Variants in DDX11 observed in about 807,000 individuals in gnomAD.
DDX11 encodes the protein ATP-dependent DNA helicase DDX11.
Under a neutral mutation model 125.2 loss-of-function variants are expected in DDX11, and 72 were observed. The observed-to-expected ratio is 0.58, with a 90% CI of 0.48 to 0.70. The LOEUF (loss-of-function observed/expected upper bound fraction) is 0.70, where lower values mean the gene tolerates loss of function less well. DDX11 is among the 30% of genes least tolerant of loss of function. The pLI is 0.00. For synonymous variants in DDX11, 347 were observed against 452.6 expected, an observed-to-expected ratio of 0.77 and a Z score of 2.96; for missense variants, 883 against 1,165.0, an observed-to-expected ratio of 0.76 and a Z score of 3.52.
chr12:31,100,162 A>G (rs1195671906), intron 18 of DDX11, among the ~76,000 whole-genome samples: 1 of 152,166 alleles, frequency 6.6e-6, no homozygotes, highest in Non-Finnish European at 1.5e-5. Context: ...TGGGTTAAAA[A>G]GTATAAATAT....
intron 12 of DDX11, 91 bp from the exon 13 acceptor site, chr12:31,094,495 TCTTA>T (rs1290767659): frequency 2.0e-6 from 3 of 1,525,216 alleles, no homozygotes; most frequent in African/African-American, 1.4e-5. Flanking sequence ...CAGATGCTCT[TCTTA>T]CTTGATGTGC....
At position 31,091,637 on chromosome 12, in the gene DDX11, A is replaced by G. The variant is rs1288631614; in HGVS notation, c.1090-82A>G. 7.6e-6 allele frequency: 11 copies of G among 1,454,886 alleles called. No individual in the cohort carries two copies. In the Admixed American group the frequency reaches 2.0e-4, roughly 26 times the overall value. 90.1% of individuals were successfully genotyped at this position (1,454,886 alleles called of 1,614,324 possible). A position where few individuals can be genotyped will look rare whatever the true frequency, so the allele number is the denominator to read the frequency against. On this transcript the variant is annotated intron_variant, in intron 9 of 26. Transcript: ENST00000542838. Reference sequence around the variant, plus strand: ...GTCCAGGCAGGAAATAGAAGCACTCACATCAGGAGCTCAGTGTCAGGCAGG... The same window carrying G: ...GTCCAGGCAGGAAATAGAAGCACTCGCATCAGGAGCTCAGTGTCAGGCAGG...
At position 31,104,345 on chromosome 12, in the gene DDX11, C is replaced by G. The variant is rs1208027612; in HGVS notation, c.*509C>G. On this transcript the variant is annotated 3_prime_UTR_variant, in exon 27 of 27. Coordinates refer to ENST00000542838, the MANE Select transcript of DDX11 (RefSeq NM_030653.4). ...CCCAGGGGCTTGTCACCTTCCCCTC[C>G]TCCTTCCTGAGTCACTCCTTCAGTA... 6 of 357,910 alleles carry G rather than the reference C, an allele frequency of 1.7e-5. No homozygotes were observed. The Admixed American group carries it at 2.1e-4, about 13-fold the overall frequency. The allele number at this position is 357,910 out of a possible 1,614,324, so 22.2% of individuals were successfully genotyped here. A position where few individuals can be genotyped will look rare whatever the true frequency, so the allele number is the denominator to read the frequency against.
chr12:31,101,937 C>G lies in DDX11; in HGVS notation c.2157C>G (p.His719Gln), dbSNP rs755660571. 3 of 1,613,692 alleles carry G rather than the reference C, an allele frequency of 1.9e-6. No individual in the cohort carries two copies. The highest frequency in any genetic ancestry group is 2.5e-6 in the Non-Finnish European group (3 of 1,179,816). The change falls in exon 21 of 27, where the codon CAC becomes CAG. Residue 719 changes from histidine (H) to glutamine (Q), a missense_variant. Physicochemically the swap from His to Gln is conservative, Grantham distance 24. Coordinates refer to ENST00000542838, the MANE Select transcript of DDX11 (RefSeq NM_030653.4). ...AGTACCTGCGCCAGGTCCATGCCCA[C>G]TGGGAGAAGGGTGGCCTGCTGGGCC... ...SYEYLRQVHAHWEKGGLLGRL... is the reference protein window; with the variant it reads ...SYEYLRQVHAQWEKGGLLGRL...
chr12:31,090,779 T>G (rs1222859016), intron 9 of DDX11, among the ~76,000 whole-genome samples: 1 of 152,214 alleles, frequency 6.6e-6, no homozygotes, highest in Non-Finnish European at 1.5e-5. Flanking sequence ...TTTTAAAAGA[T>G]TCAGGGAACT....
Position 31,103,575 on chromosome 12 carries a change from A to G in DDX11, c.2537-2A>G. The G allele has an allele frequency of 6.2e-7, 1 of 1,613,842 alleles. No individual in the cohort carries two copies. Among genetic ancestry groups the G allele is most frequent in the Non-Finnish European group, 8.5e-7 (1 of 1,179,910 alleles). On this transcript the variant is annotated splice_acceptor_variant, in intron 25 of 26. Coordinates refer to ENST00000542838, the MANE Select transcript of DDX11 (RefSeq NM_030653.4). LOFTEE classifies it high-confidence loss of function. ...GGAGCCCCAGCCTCTGTTCCTATGC[A>G]GGCAGGGCCATCAGGCACCAGAAGG... is the stretch of plus-strand genomic sequence containing the variant.
At chr12:31,099,502 A>G (rs1420328263) in intron 18 of DDX11, among the ~76,000 whole-genome samples, 1 of 151,238 alleles carries the variant, frequency 6.6e-6, no homozygotes, top group Non-Finnish European at 1.5e-5. Flanking sequence ...ATCCTATAAT[A>G]TACTTAAAAG....
rs546589645 is a variant in DDX11 at position 31,084,216 on chromosome 12, G to A, written c.393+155G>A. ...AGCTCCTTGGGTCTATGGTGCTGCC[G>A]CTGTGCTGTCTTTTTTGAGCTGGAG... is the stretch of plus-strand genomic sequence containing the variant. On this transcript the variant is annotated intron_variant, in intron 3 of 26. Transcript: ENST00000542838. Among the ~76,000 whole-genome samples, 13 of 152,270 alleles carry A rather than the reference G, an allele frequency of 8.5e-5. No homozygotes were observed. In the East Asian group the frequency reaches 1.5e-3, roughly 18 times the overall value.
intron 2 of DDX11, among the ~76,000 whole-genome samples, chr12:31,078,904 A>G (rs926144857): frequency 4.6e-5 from 7 of 152,096 alleles, no homozygotes; most frequent in South Asian, 4.2e-4. Context: ...AGCCAGGATG[A>G]TCTCAGTCTT....
intron 8 of DDX11, 157 bp from the exon 9 acceptor site, chr12:31,089,729 T>C: frequency 1.4e-6 from 2 of 1,403,628 alleles, no homozygotes; most frequent in Non-Finnish European, 2.0e-6. Flanking sequence ...AGTAAAACCT[T>C]ACAGTGTTCC....
chr12:31,101,801 G>C lies in DDX11; in HGVS notation c.2053-32G>C, dbSNP rs376056098. The C allele has an allele frequency of 5.1e-4, 829 of 1,613,846 alleles. 1 individual carries two copies. The highest frequency in any genetic ancestry group is 5.4e-4 in the Non-Finnish European group (637 of 1,179,786). On this transcript the variant is annotated intron_variant, in intron 20 of 26. Coordinates refer to ENST00000542838, the MANE Select transcript of DDX11 (RefSeq NM_030653.4). ...GGGTGGCTGAGGGGTTGCTCCATGG[G>C]GGCTCCCTCCCTCCCTCCTTTCCTT... is the stretch of plus-strand genomic sequence containing the variant.
At chr12:31,103,522 T>C in intron 25 of DDX11, 55 bp from the exon 26 acceptor site, 1 of 1,613,370 alleles carries the variant, frequency 6.2e-7, no homozygotes, top group South Asian at 1.1e-5. Flanking sequence ...CGTGGGAATG[T>C]GCTGTAGGGG....
rs572956321 is a variant in DDX11, at chr12:31,087,484, G to C, written c.639-454G>C. 151 of 319,504 alleles carry C rather than the reference G, an allele frequency of 4.7e-4. 1 individual carries two copies. Among genetic ancestry groups the C allele is most frequent in the African/African-American group, 3.1e-3 (144 of 46,510 alleles). 19.8% of individuals were successfully genotyped at this position (319,504 alleles called of 1,614,324 possible). A position where few individuals can be genotyped will look rare whatever the true frequency, so the allele number is the denominator to read the frequency against. ...GGCCTACCAGGGAAGGTCAAAGAAG[G>C]CTTCCTGGAGGAGGTGATGTTTCTG... On this transcript the variant is annotated intron_variant, in intron 5 of 26. Transcript: ENST00000542838.
intron 9 of DDX11, among the ~76,000 whole-genome samples, chr12:31,090,548 AC>A (rs1268972005): frequency 6.6e-6 from 1 of 151,734 alleles, no homozygotes; most frequent in African/African-American, 2.4e-5. Flanking sequence ...CCTAACTTAC[AC>A]CTACCTGCAG....
Position 31,089,895 on chromosome 12 carries a change from AAGG to A in DDX11, c.893_895del (p.Gly298del), listed in dbSNP as rs1281133038. 2.0e-5 allele frequency: 32 copies of A among 1,610,548 alleles called. No homozygotes were observed. The highest frequency in any genetic ancestry group is 2.6e-5 in the Non-Finnish European group (31 of 1,179,454). On this transcript the variant is annotated inframe_deletion, in exon 9 of 27. Transcript: ENST00000542838. The stretch of plus-strand genomic sequence containing the variant: ...CCTGTGCCACCCTCAGAGAAGAAGA[AAGG>A]AGCTGAGGAGGAGAAGCCAAAGAGG...
rs1353379240 is a variant in DDX11, at chr12:31,103,906, T to C, written c.*70T>C. On this transcript the variant is annotated 3_prime_UTR_variant, in exon 27 of 27. Transcript: ENST00000542838. ...TGCCCGCTGGAGACAGTGTTTGTCGTGGGCGTGGTCTGCGGGGATCCTGTT... is the reference window on the plus strand; with the variant it reads ...TGCCCGCTGGAGACAGTGTTTGTCGCGGGCGTGGTCTGCGGGGATCCTGTT... 1.2e-6 allele frequency: 2 copies of C among 1,613,910 alleles called. No homozygotes were observed. The highest frequency in any genetic ancestry group is 2.7e-5 in the African/African-American group (2 of 75,056).
At chr12:31,074,810 G>A (rs974393232) in intron 1 of DDX11, among the ~76,000 whole-genome samples, 5 of 152,206 alleles carry the variant, frequency 3.3e-5, no homozygotes, top group African/African-American at 1.2e-4. Context: ...AGGGCCATAC[G>A]GTAGATAGTA....
chr12:31,079,260 C>T (rs1592575111), intron 2 of DDX11, among the ~76,000 whole-genome samples: 1 of 150,492 alleles, frequency 6.6e-6, no homozygotes, highest in East Asian at 2.0e-4. Flanking sequence ...TTTAATATAC[C>T]TATGCCAGTT....
At chr12:31,087,888 G>A in intron 5 of DDX11, 50 bp from the exon 6 acceptor site, 1 of 1,586,578 alleles carries the variant, frequency 6.3e-7, no homozygotes, top group Non-Finnish European at 8.6e-7. Flanking sequence ...AGTGCGTTTT[G>A]CTGAGTTTGC....
Sources: allele counts gnomAD v4.1 joint callset (sites outside exome capture counted in the v4.1 genomes callset), GRCh38; gene constraint gnomAD v4.1.1; transcripts MANE v1.5; gene names NCBI Gene and HGNC (gene_info 2026-07-23, HGNC 2026-07-21).